Variants in RCN2 observed in about 807,000 individuals in gnomAD.
The protein encoded by RCN2 is reticulocalbin-2.
In RCN2, 23 loss-of-function variants were observed where a neutral mutation model predicts 37.5. That is an observed-to-expected ratio of 0.61 (90% CI 0.44 to 0.87). The LOEUF (loss-of-function observed/expected upper bound fraction) is 0.87, where lower values mean the gene tolerates loss of function less well. RCN2 is among the 40% of genes least tolerant of loss of function. The probability of loss-of-function intolerance (pLI) is 0.00; values close to 1 mark genes in which losing one functional copy is unlikely to be tolerated. For missense variants in RCN2, 381 were observed against 390.4 expected, an observed-to-expected ratio of 0.98 and a Z score of 0.20; for synonymous variants, 140 against 144.6, an observed-to-expected ratio of 0.97 and a Z score of 0.23.
intron 1 of RCN2, 151 bp from the exon 2 acceptor site, chr15:76,932,210 G>T: frequency 1.4e-6 from 1 of 722,742 alleles, no homozygotes; most frequent in South Asian, 1.8e-5. Flanking sequence ...AGATCATGGA[G>T]GGTGTGTAGG....
rs778430713 is a variant in RCN2, at chr15:76,935,726, A to G, written c.447+4A>G. ...AGAAGAGGAGTCCTTTAGGAAGGTG[A>G]GTTCATGTGCACAAGCTGTTTCTTT... On this transcript the variant is annotated splice_donor_region_variant and intron_variant, in intron 3 of 6. Transcript: ENST00000394885. 69 of 1,605,954 alleles carry G rather than the reference A, an allele frequency of 4.3e-5. No homozygotes were observed. The highest frequency in any genetic ancestry group is 5.5e-5 in the Non-Finnish European group (65 of 1,175,632).
chr15:76,951,062 G>A lies in RCN2; in HGVS notation c.*1840G>A, dbSNP rs2075318667. ...GTCATTTGTCAGACTCACTGAAGCT[G>A]GCATATTTGAAATCACCAGTTTGAC... On this transcript the variant is annotated 3_prime_UTR_variant, in exon 7 of 7. Coordinates refer to ENST00000394885, the MANE Select transcript of RCN2 (RefSeq NM_002902.3). 1 of 152,198 alleles carries A rather than the reference G, an allele frequency of 6.6e-6. No individual in the cohort carries two copies. The allele number at this position is 152,198 out of a possible 1,614,324, so 9.4% of individuals were successfully genotyped here. A position where few individuals can be genotyped will look rare whatever the true frequency, so the allele number is the denominator to read the frequency against.
At chr15:76,943,984 CTTTTTTTTTT>C (rs11361216) in intron 4 of RCN2, 113 bp downstream of exon 4, 3 of 96,392 alleles carry the variant, frequency 3.1e-5, no homozygotes, top group African/African-American at 1.5e-4. Context: ...ATACATGAGA[CTTTTTTTTTT>C]TTTTTTTTTT....
At chr15:76,940,899 G>C (rs2075274391) in intron 3 of RCN2, among the ~76,000 whole-genome samples, 1 of 151,778 alleles carries the variant, frequency 6.6e-6, no homozygotes, top group Non-Finnish European at 1.5e-5. Flanking sequence ...TTCATATAGG[G>C]AATAAAGATA....
chr15:76,941,874 G>T, intron 3 of RCN2: 1 of 417,472 alleles, frequency 2.4e-6, no homozygotes, highest in East Asian at 3.5e-5. Context: ...GCTCCAAAGT[G>T]AAGGGTTCTT....
Position 76,951,498 on chromosome 15 carries a change from TG to T in RCN2, c.*2277del, listed in dbSNP as rs1339804181. 3 of 152,236 alleles carry T rather than the reference TG, an allele frequency of 2.0e-5. No homozygotes were observed. The highest frequency in any genetic ancestry group is 7.2e-5 in the African/African-American group (3 of 41,448). 9.4% of individuals were successfully genotyped at this position (152,236 alleles called of 1,614,324 possible). A position where few individuals can be genotyped will look rare whatever the true frequency, so the allele number is the denominator to read the frequency against. ...CCACTGAGATTTGGTTGTGCTTTTT[TG>T]TTTTTAACCACAGCAGAGCCCATCC... On this transcript the variant is annotated 3_prime_UTR_variant, in exon 7 of 7. Transcript: ENST00000394885.
At chr15:76,936,207 C>T (rs1310042954) in intron 3 of RCN2, among the ~76,000 whole-genome samples, 1 of 151,064 alleles carries the variant, frequency 6.6e-6, no homozygotes. Flanking sequence ...CTCTATTCAA[C>T]ATATACAGAA....
Position 76,943,546 on chromosome 15 carries a change from T to C in RCN2, c.448-212T>C. 7.8e-6 allele frequency: 3 copies of C among 385,102 alleles called. No homozygotes were observed. The Admixed American group carries it at 1.2e-4, about 16-fold the overall frequency. The allele number at this position is 385,102 out of a possible 1,614,324, so 23.9% of individuals were successfully genotyped here. On this transcript the variant is annotated intron_variant, in intron 3 of 6. Coordinates refer to ENST00000394885, the MANE Select transcript of RCN2 (RefSeq NM_002902.3). ...CTGACACCACAGCTAGTAAGTGGCATTGCTGGAATTCAGGTCTGGGTCTAT... is the reference window on the plus strand; with the variant it reads ...CTGACACCACAGCTAGTAAGTGGCACTGCTGGAATTCAGGTCTGGGTCTAT...
At chr15:76,932,272 G>A (rs1034226870) in intron 1 of RCN2, 89 bp from the exon 2 acceptor site, 1 of 1,039,390 alleles carries the variant, frequency 9.6e-7, no homozygotes, top group Non-Finnish European at 1.5e-6. Context: ...CCTTTGGCAA[G>A]GGGGTCTTCT....
chr15:76,941,684 A>G lies in RCN2; in HGVS notation c.448-2074A>G, dbSNP rs578238571. ...AGTCTTTCTGTTTTTGGCTTCTTCG[A>G]TTTAATGTGAGCTATTCTTATTTTG... On this transcript the variant is annotated intron_variant, in intron 3 of 6. Transcript: ENST00000394885. The G allele has an allele frequency of 2.4e-4, 361 of 1,484,406 alleles. 2 individuals carry two copies. In the African/African-American group the frequency reaches 4.3e-3, roughly 18 times the overall value. The allele number at this position is 1,484,406 out of a possible 1,614,324, so 92.0% of individuals were successfully genotyped here.
intron 4 of RCN2, among the ~76,000 whole-genome samples, chr15:76,945,882 A>G (rs1044576762): frequency 6.6e-6 from 1 of 152,204 alleles, no homozygotes; most frequent in Non-Finnish European, 1.5e-5. Context: ...CAGTTTAAGA[A>G]CAGTGCTGGG....
At position 76,953,553 on chromosome 15, in the gene RCN2, TTCTA is replaced by T. The variant is rs1468269750; in HGVS notation, c.*4333_*4336del. The T allele has an allele frequency of 1.3e-5, 1 of 77,528 alleles. No homozygotes were observed. The highest frequency in any genetic ancestry group is 2.4e-5 in the Non-Finnish European group (1 of 42,220). 4.8% of individuals were successfully genotyped at this position (77,528 alleles called of 1,614,324 possible). A position where few individuals can be genotyped will look rare whatever the true frequency, so the allele number is the denominator to read the frequency against. ...GTGGGATTGCTGGATCATATAGTAATTCTATATATATATATATATATATATATAT... is the reference window on the plus strand; with the variant it reads ...GTGGGATTGCTGGATCATATAGTAATTATATATATATATATATATATATAT... On this transcript the variant is annotated 3_prime_UTR_variant, in exon 7 of 7. Transcript: ENST00000394885.
intron 3 of RCN2, among the ~76,000 whole-genome samples, chr15:76,937,411 T>C (rs1005065636): frequency 4.7e-5 from 6 of 126,442 alleles, no homozygotes; most frequent in African/African-American, 1.3e-4. Flanking sequence ...AATTACTCCT[T>C]TTTTTTTTTT....
At chr15:76,945,733 A>G (rs1178291968) in intron 4 of RCN2, among the ~76,000 whole-genome samples, 1 of 152,236 alleles carries the variant, frequency 6.6e-6, no homozygotes, top group Admixed American at 6.5e-5. Flanking sequence ...TTAATGTGTC[A>G]TGGTAGACCC....
rs2075332044 is a variant in RCN2 at position 76,953,573 on chromosome 15, ATATATATATATATATATATATTTTTTT to A, written c.*4353_*4379del. On this transcript the variant is annotated 3_prime_UTR_variant, in exon 7 of 7. Transcript: ENST00000394885. ...AGTAATTCTATATATATATATATAT[ATATATATATATATATATATATTTTTTT>A]TTTTTTTTTTTTTTTTTTTTTTTTT... The A allele has an allele frequency of 1.3e-4, 2 of 15,850 alleles. No homozygotes were observed. Among genetic ancestry groups the A allele is most frequent in the Non-Finnish European group, 2.4e-4 (2 of 8,354 alleles). The allele number at this position is 15,850 out of a possible 1,614,324, so 1.0% of individuals were successfully genotyped here.
intron 3 of RCN2, 24 bp from the exon 4 acceptor site, chr15:76,943,734 A>G: frequency 7.8e-7 from 1 of 1,277,532 alleles, no homozygotes; most frequent in Non-Finnish European, 1.1e-6. Flanking sequence ...GTGGTATACT[A>G]ATGAGAAATT....
chr15:76,936,560 G>A (rs2075249884), intron 3 of RCN2, among the ~76,000 whole-genome samples: 1 of 152,164 alleles, frequency 6.6e-6, no homozygotes, highest in Non-Finnish European at 1.5e-5. Flanking sequence ...GCAGAGCAGA[G>A]CTCAGACGGT....
At chr15:76,933,144 A>G (rs544273195) in intron 2 of RCN2, among the ~76,000 whole-genome samples, 1 of 152,346 alleles carries the variant, frequency 6.6e-6, no homozygotes, top group African/African-American at 2.4e-5. Context: ...GACTATTAAA[A>G]GAATGTTCTA....
At chr15:76,934,517 G>A (rs930765375) in intron 2 of RCN2, among the ~76,000 whole-genome samples, 3 of 152,176 alleles carry the variant, frequency 2.0e-5, no homozygotes, top group Admixed American at 6.5e-5. Flanking sequence ...CAGGTACCAA[G>A]TTAAGACAGA....
Sources: gnomAD v4.1 joint callset for allele counts (sites outside exome capture counted in the v4.1 genomes callset) on GRCh38, gnomAD v4.1.1 for gene constraint, MANE v1.5 for transcripts, NCBI Gene and HGNC (gene_info 2026-07-23, HGNC 2026-07-21) for gene names.